Variants in CTIF observed in about 807,000 individuals in gnomAD.
CTIF encodes the protein cap binding complex dependent translation initiation factor, also known as CBP80/20-dependent translation initiation factor.
Under a neutral mutation model 66.0 loss-of-function variants are expected in CTIF, and 21 were observed. That is an observed-to-expected ratio of 0.32 (90% CI 0.23 to 0.46). CTIF has a LOEUF of 0.46. Among genes scored for constraint, CTIF ranks in the 20% least tolerant of loss-of-function variants. The pLI is 1.00. For missense variants in CTIF, 739 were observed against 812.7 expected (o/e 0.91, Z 1.10); for synonymous variants, 345 against 326.4 (o/e 1.06, Z -0.62).
chr18:48,848,861 CACA>C (rs984420858), intron 10 of CTIF, among the ~76,000 whole-genome samples: 22 of 152,242 alleles, frequency 1.4e-4, no homozygotes, highest in African/African-American at 4.6e-4. Context: ...TGGGCGTGCC[CACA>C]ACAAGTCTCC....
chr18:48,621,686 G>A (rs2090496255), intron 2 of CTIF: 2 of 285,054 alleles, frequency 7.0e-6, no homozygotes, highest in Non-Finnish European at 1.4e-5. Context: ...GGCCGTGACG[G>A]GGAAGTTTCC....
rs539540706 is a variant in CTIF at position 48,674,968 on chromosome 18, A to G, written c.507+4224A>G. Among the ~76,000 whole-genome samples, 16 of 151,274 alleles carry G rather than the reference A, an allele frequency of 1.1e-4. No homozygotes were observed. The South Asian group carries it at 3.3e-3, about 32-fold the overall frequency. ...GGTTTTATGGCATCCACACCGAGGC[A>G]TGACATGCCATACAATGGCAGCCTC... is the stretch of plus-strand genomic sequence containing the variant. On this transcript the variant is annotated intron_variant, in intron 6 of 11. Transcript: ENST00000256413.
chr18:48,817,039 C>T lies in CTIF; in HGVS notation c.1372-182C>T, dbSNP rs75695928. On this transcript the variant is annotated intron_variant, in intron 9 of 11. Transcript: ENST00000256413. ...ACACCTGAAGAAGAGGTGTTATGGC[C>T]CCAGGTCAGGGTGGTCCCAGCCACA... 1.9e-3 allele frequency among the ~76,000 whole-genome samples: 292 copies of T among 152,240 alleles called. 1 individual carries two copies. The East Asian group carries it at 0.023, about 12-fold the overall frequency.
intron 10 of CTIF, among the ~76,000 whole-genome samples, chr18:48,844,033 T>A (rs536412468): frequency 6.6e-6 from 1 of 152,314 alleles, no homozygotes; most frequent in Admixed American, 6.5e-5. Flanking sequence ...ACTCAAAATA[T>A]GTAAGCCAGG....
chr18:48,645,391 CA>C (rs1187297842), intron 3 of CTIF, among the ~76,000 whole-genome samples: 1 of 151,126 alleles, frequency 6.6e-6, no homozygotes, highest in African/African-American at 2.4e-5. Context: ...TCTAGCAAAA[CA>C]AAAAACTTTT....
rs1037382192 is a variant in CTIF, at chr18:48,700,976, A to G, written c.508-10643A>G. ...GGTCTTTGAACCTCCTCAAGTACAT[A>G]AAACTCTTCACAATGTTGCCCACTT... On this transcript the variant is annotated intron_variant, in intron 6 of 11. Transcript: ENST00000256413. Among the ~76,000 whole-genome samples the G allele has an allele frequency of 5.9e-5, 9 of 152,354 alleles. No individual in the cohort carries two copies. The East Asian group carries it at 1.7e-3, about 29-fold the overall frequency.
At chr18:48,694,805 A>G (rs559794470) in intron 6 of CTIF, among the ~76,000 whole-genome samples, 3 of 152,376 alleles carry the variant, frequency 2.0e-5, no homozygotes, top group African/African-American at 4.8e-5. Context: ...TGTAAAATTA[A>G]CAAGTTGGAG....
chr18:48,727,439 C>G (rs1173662120), intron 7 of CTIF, among the ~76,000 whole-genome samples: 1 of 152,178 alleles, frequency 6.6e-6, no homozygotes, highest in Admixed American at 6.5e-5. Context: ...ATTTGTTGCT[C>G]AGATAGCTTC....
At chr18:48,607,244 G>T (rs568148799) in intron 1 of CTIF, among the ~76,000 whole-genome samples, 1 of 152,266 alleles carries the variant, frequency 6.6e-6, no homozygotes, top group African/African-American at 2.4e-5. Context: ...CGATTTCTTT[G>T]CCTCCCTGTG....
intron 5 of CTIF, among the ~76,000 whole-genome samples, chr18:48,668,690 C>T (rs919344377): frequency 1.3e-5 from 2 of 152,124 alleles, no homozygotes; most frequent in Admixed American, 1.3e-4. Flanking sequence ...CCTTTGCCTG[C>T]GCCGTGTCAG....
intron 9 of CTIF, among the ~76,000 whole-genome samples, chr18:48,786,325 A>G (rs1911702200): frequency 1.3e-5 from 2 of 152,156 alleles, no homozygotes; most frequent in African/African-American, 2.4e-5. Flanking sequence ...AGCCTCACTC[A>G]GCAGATGCTC....
chr18:48,847,695 G>A (rs951661274), intron 10 of CTIF, among the ~76,000 whole-genome samples: 19 of 152,178 alleles, frequency 1.2e-4, no homozygotes, highest in African/African-American at 4.3e-4. Flanking sequence ...TTTCACATAC[G>A]TTATTTCAAT....
chr18:48,798,200 C>T (rs529149578), intron 9 of CTIF, among the ~76,000 whole-genome samples: 5 of 152,254 alleles, frequency 3.3e-5, no homozygotes, highest in Non-Finnish European at 7.4e-5. Flanking sequence ...ATCTGGTAAA[C>T]GCAGTTGAAT....
chr18:48,766,825 C>T (rs1056471348), intron 9 of CTIF, among the ~76,000 whole-genome samples: 10 of 152,224 alleles, frequency 6.6e-5, no homozygotes, highest in Non-Finnish European at 1.2e-4. Flanking sequence ...CAGCCTCAGG[C>T]TCTTCTTGTC....
chr18:48,730,245 G>A (rs554080342), intron 7 of CTIF, among the ~76,000 whole-genome samples: 90 of 147,990 alleles, frequency 6.1e-4, no homozygotes, highest in East Asian at 2.4e-3. Context: ...AGGGGCCTCC[G>A]CGGTGTGAGG....
chr18:48,838,725 G>T (rs994981678), intron 10 of CTIF, among the ~76,000 whole-genome samples: 48 of 152,192 alleles, frequency 3.2e-4, no homozygotes, highest in African/African-American at 1.0e-3. Context: ...TTATTTGGTG[G>T]CCCCTTAACC....
At chr18:48,839,826 A>G (rs979814496) in intron 10 of CTIF, among the ~76,000 whole-genome samples, 5 of 149,196 alleles carry the variant, frequency 3.4e-5, no homozygotes. Context: ...TTGTGCTCCA[A>G]GGCTTTATGT....
At chr18:48,561,155 T>C (rs534987202) in intron 1 of CTIF, among the ~76,000 whole-genome samples, 3 of 148,878 alleles carry the variant, frequency 2.0e-5, no homozygotes, top group Non-Finnish European at 1.5e-5. Context: ...AGGAAATCAC[T>C]TGAACCTGGC....
intron 7 of CTIF, among the ~76,000 whole-genome samples, chr18:48,754,957 C>A (rs1908209570): frequency 6.6e-6 from 1 of 152,232 alleles, no homozygotes; most frequent in Non-Finnish European, 1.5e-5. Flanking sequence ...CTTCCCCCTC[C>A]AGGTAGATAG....
Sources: allele counts gnomAD v4.1 joint callset (sites outside exome capture counted in the v4.1 genomes callset), GRCh38; gene constraint gnomAD v4.1.1; transcripts MANE v1.5; gene names NCBI Gene and HGNC (gene_info 2026-07-23, HGNC 2026-07-21).